Variants in ARID1A observed in about 807,000 individuals in gnomAD.
ARID1A encodes AT-rich interaction domain 1A, also known as AT-rich interactive domain-containing protein 1A.
In ARID1A, 20 loss-of-function variants were observed where a neutral mutation model predicts 212.6. The observed-to-expected ratio is 0.09, with a 90% CI of 0.07 to 0.14. The LOEUF is 0.14. ARID1A is among the 10% of genes least tolerant of loss of function. The pLI is 1.00. For missense variants in ARID1A, 2,587 were observed against 3,059.0 expected (o/e 0.85, Z 3.64); for synonymous variants, 1,376 against 1,222.1 (o/e 1.13, Z -2.63).
chr1:26,711,844 A>T (rs930311277), intron 1 of ARID1A, among the ~76,000 whole-genome samples: 31 of 152,102 alleles, frequency 2.0e-4, no homozygotes, highest in African/African-American at 6.8e-4. Context: ...GCACTTTGGG[A>T]TGCTGAGCTG....
intron 4 of ARID1A, among the ~76,000 whole-genome samples, chr1:26,758,633 A>AG (rs956010903): frequency 6.6e-6 from 1 of 151,838 alleles, no homozygotes; most frequent in African/African-American, 2.4e-5. Context: ...AAAAAAAAAA[A>AG]AAGAAGAAGA....
rs2081009440 is a variant in ARID1A at position 26,763,268 on chromosome 1, C to T, written c.2715C>T (p.Ala905=). The T allele has an allele frequency of 6.8e-6, 11 of 1,606,468 alleles. No individual in the cohort carries two copies. Among genetic ancestry groups the T allele is most frequent in the Non-Finnish European group, 9.4e-6 (11 of 1,174,838 alleles). The change falls in exon 8 of 20, where the codon GCC becomes GCT. Residue 905 remains alanine (A), a synonymous_variant. Coordinates refer to ENST00000324856, the MANE Select transcript of ARID1A (RefSeq NM_006015.6). The part of the protein sequence containing the change: ...QETAVAMHVA[A]NSIQNRPPGY... ...CTGCTGTCGCCATGCATGTTGCTGC[C>T]AACTCTATCCAAAACAGGTAAGGCC...
rs145606362 is a variant in ARID1A at position 26,703,159 on chromosome 1, T to C, written c.1137+5619T>C. On this transcript the variant is annotated intron_variant, in intron 1 of 19. Coordinates refer to ENST00000324856, the MANE Select transcript of ARID1A (RefSeq NM_006015.6). ...TGATAAAATTAATATGCCTTTACACTCTGTTCCTGGGTCAGTACAAAGTCC... is the reference window on the plus strand; with the variant it reads ...TGATAAAATTAATATGCCTTTACACCCTGTTCCTGGGTCAGTACAAAGTCC... Among the ~76,000 whole-genome samples, 784 of 152,324 alleles carry C rather than the reference T, an allele frequency of 5.1e-3. 10 individuals carry two copies. Among genetic ancestry groups the C allele is most frequent in the African/African-American group, 0.018 (751 of 41,540 alleles).
rs1025670990 is a variant in ARID1A at position 26,696,763 on chromosome 1, G to A, written c.360G>A (p.Pro120=). Reference sequence around the variant, plus strand: ...CCCTGAACAATAACCTCACGGAGCCGCCCGGCGGCGGCGGTGGCGGCAGCA... The same window carrying A: ...CCCTGAACAATAACCTCACGGAGCCACCCGGCGGCGGCGGTGGCGGCAGCA... The part of the protein sequence containing the change: ...RPALNNNLTE[P]PGGGGGGSSD... Residue 120 remains proline (P), a synonymous_variant, in exon 1 of 20, where the codon CCG becomes CCA. Transcript: ENST00000324856. 30 of 1,348,404 alleles carry A rather than the reference G, an allele frequency of 2.2e-5. No homozygotes were observed. The African/African-American group carries it at 4.0e-4, about 18-fold the overall frequency. 83.5% of individuals were successfully genotyped at this position (1,348,404 alleles called of 1,614,324 possible).
At chr1:26,749,598 A>G (rs1013033652) in intron 4 of ARID1A, among the ~76,000 whole-genome samples, 35 of 152,148 alleles carry the variant, frequency 2.3e-4, no homozygotes, top group Non-Finnish European at 7.4e-5. Context: ...CAGTGCCCTC[A>G]GCCTCCACCC....
intron 1 of ARID1A, among the ~76,000 whole-genome samples, chr1:26,724,115 A>G (rs1198642364): frequency 6.6e-6 from 1 of 152,106 alleles, no homozygotes; most frequent in African/African-American, 2.4e-5. Flanking sequence ...TCATATAACA[A>G]ATCTAGCCAG....
chr1:26,728,117 C>T lies in ARID1A; in HGVS notation c.1138-1534C>T, dbSNP rs371887837. ...GGCAACAGTACTTTAATAATATTGACATGTAGTAGTGATTTGGGACACAGT... is the reference window on the plus strand; with the variant it reads ...GGCAACAGTACTTTAATAATATTGATATGTAGTAGTGATTTGGGACACAGT... On this transcript the variant is annotated intron_variant, in intron 1 of 19. Transcript: ENST00000324856. 1.5e-3 allele frequency among the ~76,000 whole-genome samples: 231 copies of T among 152,276 alleles called. 2 individuals carry two copies. In the South Asian group the frequency reaches 0.018, roughly 12 times the overall value.
chr1:26,777,139 A>T (rs1304744747), intron 19 of ARID1A, among the ~76,000 whole-genome samples: 3 of 152,120 alleles, frequency 2.0e-5, no homozygotes, highest in Admixed American at 6.6e-5. Flanking sequence ...CTCATGGCTC[A>T]CTGCAGCCTC....
rs1319653200 is a variant in ARID1A, at chr1:26,696,529, G to A, written c.126G>A (p.Ala42=). The part of the protein sequence containing the change: ...REEAGGEAAA[A]AAAERGEMKA... ...AGGCGGGGGGCGAGGCGGCGGCGGC[G>A]GCAGCGGCCGAGCGCGGGGAAATGA... Residue 42 remains alanine (A), a synonymous_variant, in exon 1 of 20, where the codon GCG becomes GCA. Coordinates refer to ENST00000324856, the MANE Select transcript of ARID1A (RefSeq NM_006015.6). 1.6e-6 allele frequency: 2 copies of A among 1,227,192 alleles called. No homozygotes were observed. The highest frequency in any genetic ancestry group is 2.0e-6 in the Non-Finnish European group (2 of 986,928). The allele number at this position is 1,227,192 out of a possible 1,614,324, so 76.0% of individuals were successfully genotyped here.
At chr1:26,710,164 G>A (rs1245074996) in intron 1 of ARID1A, among the ~76,000 whole-genome samples, 5 of 147,376 alleles carry the variant, frequency 3.4e-5, no homozygotes, top group African/African-American at 9.9e-5. Context: ...GGCCGGGTGC[G>A]GTGGCTCATG....
rs2124068745 is a variant in ARID1A at position 26,763,086 on chromosome 1, C to T, written c.2533C>T (p.Pro845Ser). ...TGCCGGAGGTCAAATGCATGGACAG[C>T]CTGGCATCCCACCTTATGGCACACT... ...MGAGGQMHGQ[P>S]GIPPYGTLPP... The change falls in exon 8 of 20, where the codon CCT becomes TCT. Residue 845 changes from proline (P) to serine (S), a missense_variant. This residue lies in a region of ARID1A where 674 missense variants were observed against 813.4 expected (regional missense o/e 0.83). Coordinates refer to ENST00000324856, the MANE Select transcript of ARID1A (RefSeq NM_006015.6). The T allele has an allele frequency of 6.2e-7, 1 of 1,614,260 alleles. No homozygotes were observed. The highest frequency in any genetic ancestry group is 1.6e-4 in the Middle Eastern group (1 of 6,062).
intron 4 of ARID1A, among the ~76,000 whole-genome samples, chr1:26,734,490 T>C (rs958664568): frequency 4.6e-5 from 7 of 152,156 alleles, no homozygotes; most frequent in African/African-American, 1.7e-4. Context: ...CAGGGGATGG[T>C]TGTTCCTGGG....
chr1:26,727,413 T>A (rs1348502025), intron 1 of ARID1A, among the ~76,000 whole-genome samples: 1 of 152,230 alleles, frequency 6.6e-6, no homozygotes, highest in Non-Finnish European at 1.5e-5. Context: ...TAATTAAATG[T>A]AAATAAAAAT....
rs2124122664 is a variant in ARID1A at position 26,775,038 on chromosome 1, C to T, written c.4811C>T (p.Ser1604Phe). The change falls in exon 18 of 20, where the codon TCT becomes TTT. Residue 1604 changes from serine to phenylalanine, a missense_variant. By Grantham distance (155) the Ser-to-Phe change is radical (BLOSUM62 -2). Coordinates refer to ENST00000324856, the MANE Select transcript of ARID1A (RefSeq NM_006015.6). ...GAGAACCGCACCTCTCCTAGCAAGT[C>T]TCCATTCCTGCACTCTGGGATGAAA... ...PMENRTSPSK[S>F]PFLHSGMKMQ... 2 of 1,611,698 alleles carry T rather than the reference C, an allele frequency of 1.2e-6. No individual in the cohort carries two copies. The highest frequency in any genetic ancestry group is 1.7e-6 in the Non-Finnish European group (2 of 1,178,804).
At chr1:26,769,119 A>G (rs143327390) in intron 11 of ARID1A, 72 of 152,334 alleles carry the variant, frequency 4.7e-4, no homozygotes, top group African/African-American at 1.6e-3. Context: ...GACTCCATGC[A>G]TATTCCTGCC....
At chr1:26,737,501 T>G (rs1003820218) in intron 4 of ARID1A, among the ~76,000 whole-genome samples, 10 of 152,192 alleles carry the variant, frequency 6.6e-5, no homozygotes, top group African/African-American at 2.2e-4. Flanking sequence ...TATCATGTGA[T>G]GCCCAAGACC....
intron 1 of ARID1A, among the ~76,000 whole-genome samples, chr1:26,710,488 A>C (rs1246849729): frequency 1.5e-4 from 2 of 13,086 alleles, no homozygotes; most frequent in East Asian, 4.0e-3. Flanking sequence ...AAAATAAAAT[A>C]ATACATACAC....
intron 1 of ARID1A, among the ~76,000 whole-genome samples, chr1:26,710,490 T>TACACACACACACACAC (rs1291075615): frequency 2.8e-3 from 27 of 9,698 alleles, no homozygotes; most frequent in African/African-American, 7.4e-3. Flanking sequence ...AATAAAATAA[T>TACACACACACACACAC]ACATACACAC....
Position 26,731,555 on chromosome 1 carries a change from A to G in ARID1A, c.1754A>G (p.Gln585Arg), listed in dbSNP as rs1309861096. Residue 585 changes from glutamine to arginine, a missense_variant, in exon 3 of 20, where the codon CAG becomes CGG. Around this residue, in one of 11 missense-constraint regions of ARID1A, gnomAD observed 674 missense variants for 813.4 expected, o/e 0.83. Coordinates refer to ENST00000324856, the MANE Select transcript of ARID1A (RefSeq NM_006015.6). ...GCTGCGTATCCTCAGCCCCAGTCTC[A>G]GCAGTCCCAGCAAACTGCCTATTCC... is the stretch of plus-strand genomic sequence containing the variant. ...QQAAYPQPQS[Q>R]QSQQTAYSQQ... The G allele has an allele frequency of 6.2e-7, 1 of 1,614,038 alleles. No individual in the cohort carries two copies. Among genetic ancestry groups the G allele is most frequent in the Admixed American group, 1.7e-5 (1 of 60,008 alleles).
Sources: gnomAD v4.1 joint callset for allele counts (sites outside exome capture counted in the v4.1 genomes callset) on GRCh38, gnomAD v4.1.1 for gene constraint, gnomAD v4.1.1 regional missense constraint, MANE v1.5 for transcripts, NCBI Gene and HGNC (gene_info 2026-07-23, HGNC 2026-07-21) for gene names.